PPIAL4A: variants seen among roughly 807,000 people sequenced by gnomAD.
The protein encoded by PPIAL4A is peptidylprolyl isomerase A like 4A.
In PPIAL4A, 6 loss-of-function variants were observed where a neutral mutation model predicts 7.2. The ratio of observed to expected loss-of-function variants is 0.83; its 90% CI spans 0.46 to 1.65. The LOEUF (loss-of-function observed/expected upper bound fraction) is 1.65. Among genes scored for constraint, PPIAL4A ranks in the 40% most tolerant of loss-of-function variants. The pLI is 0.01. For synonymous variants in PPIAL4A, 53 were observed against 75.1 expected (o/e 0.71, Z 1.52); for missense variants, 212 against 209.4 (o/e 1.01, Z -0.08).
Position 120,890,180 on chromosome 1 carries a change from G to A in PPIAL4A, c.360G>A (p.Glu120=). 1.0e-5 allele frequency: 16 copies of A among 1,545,708 alleles called. 1 individual carries two copies. The highest frequency in any genetic ancestry group is 1.4e-5 in the Non-Finnish European group (16 of 1,147,688). The stretch of plus-strand genomic sequence containing the variant: ...TTTTCATCTGTGCTGCCAAGACTGA[G>A]TGGTTGGATGGCAAGCATGTGGCCT... ...SQFFICAAKT[E]WLDGKHVAFG... The change falls in exon 1 of 1, where the codon GAG becomes GAA. Residue 120 remains glutamate, a synonymous_variant. Transcript: ENST00000577856.
chr1:120,890,050 C>T lies in PPIAL4A; in HGVS notation c.230C>T (p.Ser77Phe). 44 of 1,472,516 alleles carry T rather than the reference C, an allele frequency of 3.0e-5. 7 individuals are homozygous for T. Among genetic ancestry groups the T allele is most frequent in the Non-Finnish European group, 3.9e-5 (42 of 1,086,908 alleles). The allele number at this position is 1,472,516 out of a possible 1,614,324, so 91.2% of individuals were successfully genotyped here. ...FTRHNGTGDK[S>F]IYGEKFDDEN... is the part of the protein sequence containing the mutation. The stretch of plus-strand genomic sequence containing the variant: ...CGCCATAATGGCACTGGTGACAAGT[C>T]CATCTATGGGGAGAAATTTGATGAT... The change falls in exon 1 of 1, where the codon TCC becomes TTC. Residue 77 changes from serine to phenylalanine, a missense_variant. Physicochemically the swap from Ser to Phe is radical, Grantham distance 155. Transcript: ENST00000577856.
At position 120,889,966 on chromosome 1, in the gene PPIAL4A, A is replaced by G; in HGVS notation, c.146A>G (p.Lys49Arg). The change falls in exon 1 of 1, where the codon AAG (lysine) becomes AGG (arginine). Residue 49 changes from lysine to arginine, a missense_variant. By Grantham distance (26) the Lys-to-Arg change is conservative. Transcript: ENST00000577856. The stretch of plus-strand genomic sequence containing the variant: ...ACTGGAGAGAAAGGATTTCGTTATA[A>G]GGGTTCCTGCTTTCACAGAATTATT... Reference protein sequence around the residue: ...LSTGEKGFRYKGSCFHRIIPG... With the variant: ...LSTGEKGFRYRGSCFHRIIPG... 2.0e-6 allele frequency: 3 copies of G among 1,474,450 alleles called. No homozygotes were observed. The South Asian group carries it at 3.5e-5, about 17-fold the overall frequency. 91.3% of individuals were successfully genotyped at this position (1,474,450 alleles called of 1,614,324 possible).
Position 120,889,888 on chromosome 1 carries a change from A to T in PPIAL4A, c.68A>T (p.Lys23Ile). The T allele has an allele frequency of 6.8e-7, 1 of 1,469,894 alleles. No homozygotes were observed. The highest frequency in any genetic ancestry group is 9.2e-7 in the Non-Finnish European group (1 of 1,085,608). The allele number at this position is 1,469,894 out of a possible 1,614,324, so 91.1% of individuals were successfully genotyped here. The change falls in exon 1 of 1, where the codon AAA (lysine) becomes ATA (isoleucine). Residue 23 changes from lysine (K) to isoleucine (I), a missense_variant. By Grantham distance (102) the Lys-to-Ile change is moderately radical (BLOSUM62 -3). Coordinates refer to ENST00000577856, the MANE Select transcript of PPIAL4A (RefSeq NM_001143883.4). Reference sequence around the variant, plus strand: ...AAGCCCTTGGGCCGCATCTCCATCAAACTGTTTGCAGACAAGATTCTAAAG... The same window carrying T: ...AAGCCCTTGGGCCGCATCTCCATCATACTGTTTGCAGACAAGATTCTAAAG... ...DGKPLGRISI[K>I]LFADKILKTA...
Position 120,889,795 on chromosome 1 carries a change from T to C in PPIAL4A, c.-26T>C. On this transcript the variant is annotated 5_prime_UTR_variant, in exon 1 of 1. Coordinates refer to ENST00000577856, the MANE Select transcript of PPIAL4A (RefSeq NM_001143883.4). ...GTGGTTATCTTTGCAGACGCCACCATCACTGTGAGCCCTGTACTATCAGCC... is the reference window on the plus strand; with the variant it reads ...GTGGTTATCTTTGCAGACGCCACCACCACTGTGAGCCCTGTACTATCAGCC... 6.8e-7 allele frequency: 1 copy of C among 1,465,382 alleles called. No individual in the cohort carries two copies. The highest frequency in any genetic ancestry group is 9.2e-7 in the Non-Finnish European group (1 of 1,084,332). The allele number at this position is 1,465,382 out of a possible 1,614,324, so 90.8% of individuals were successfully genotyped here.
At position 120,890,274 on chromosome 1, in the gene PPIAL4A, A is replaced by T. The variant is rs1189167102; in HGVS notation, c.454A>T (p.Thr152Ser). The T allele has an allele frequency of 2.8e-6, 4 of 1,430,432 alleles. No individual in the cohort carries two copies. In the East Asian group the frequency reaches 9.1e-5, roughly 32 times the overall value. The allele number at this position is 1,430,432 out of a possible 1,614,324, so 88.6% of individuals were successfully genotyped here. A position where few individuals can be genotyped will look rare whatever the true frequency, so the allele number is the denominator to read the frequency against. The change falls in exon 1 of 1, where the codon ACC becomes TCC. Residue 152 changes from threonine to serine, a missense_variant. Transcript: ENST00000577856. ...GCACTTTGGGTACAGGAATAGCAAGACCAGCAAGAAGATCACCATTGCTGA... is the reference window on the plus strand; with the variant it reads ...GCACTTTGGGTACAGGAATAGCAAGTCCAGCAAGAAGATCACCATTGCTGA... ...MEHFGYRNSKTSKKITIADCG... is the reference protein window; with the variant it reads ...MEHFGYRNSKSSKKITIADCG...
rs1653233910 is a variant in PPIAL4A at position 120,890,383 on chromosome 1, C to T, written c.*68C>T. 2.7e-6 allele frequency: 3 copies of T among 1,091,156 alleles called. No homozygotes were observed. The highest frequency in any genetic ancestry group is 6.9e-5 in the African/African-American group (2 of 29,124). 67.6% of individuals were successfully genotyped at this position (1,091,156 alleles called of 1,614,324 possible). On this transcript the variant is annotated 3_prime_UTR_variant, in exon 1 of 1. Coordinates refer to ENST00000577856, the MANE Select transcript of PPIAL4A (RefSeq NM_001143883.4). ...TTCTGTAGCTCAGGAGAGCACCCCT[C>T]CACCACATTTGCTTGCAATATCCTA... is the stretch of plus-strand genomic sequence containing the variant.
In PPIAL4A at chr1:120,890,327, T is replaced by C; in HGVS notation, c.*12T>C. The C allele has an allele frequency of 7.1e-7, 1 of 1,408,638 alleles. No individual in the cohort carries two copies. Among genetic ancestry groups the C allele is most frequent in the Non-Finnish European group, 9.4e-7 (1 of 1,062,822 alleles). 87.3% of individuals were successfully genotyped at this position (1,408,638 alleles called of 1,614,324 possible). On this transcript the variant is annotated 3_prime_UTR_variant, in exon 1 of 1. Transcript: ENST00000577856. ...GTGGACAATTCTAATGAGTTTGACT[T>C]GTGTTTTATTTTCACCACCAGACCC...
In PPIAL4A at chr1:120,889,996, G is replaced by T. The variant is rs1168681428; in HGVS notation, c.176G>T (p.Gly59Val). 9 of 1,474,030 alleles carry T rather than the reference G, an allele frequency of 6.1e-6. 1 individual carries two copies. The highest frequency in any genetic ancestry group is 8.3e-6 in the Non-Finnish European group (9 of 1,087,076). 91.3% of individuals were successfully genotyped at this position (1,474,030 alleles called of 1,614,324 possible). ...TCCTGCTTTCACAGAATTATTCCAG[G>T]GTTTATGTGTCAGGGTGGTGACTTC... ...KGSCFHRIIP[G>V]FMCQGGDFTR... is the part of the protein sequence containing the mutation. Residue 59 changes from glycine to valine, a missense_variant, in exon 1 of 1, where the codon GGG (glycine) becomes GTG (valine). Gly to Val is a moderately radical substitution (Grantham distance 109). Coordinates refer to ENST00000577856, the MANE Select transcript of PPIAL4A (RefSeq NM_001143883.4).
Position 120,889,866 on chromosome 1 carries a change from C to T in PPIAL4A, c.46C>T (p.Pro16Ser), listed in dbSNP as rs1653220981. 4 of 1,469,278 alleles carry T rather than the reference C, an allele frequency of 2.7e-6. 1 individual carries two copies. In the South Asian group the frequency reaches 3.5e-5, roughly 13 times the overall value. The allele number at this position is 1,469,278 out of a possible 1,614,324, so 91.0% of individuals were successfully genotyped here. A position where few individuals can be genotyped will look rare whatever the true frequency, so the allele number is the denominator to read the frequency against. The change falls in exon 1 of 1, where the codon CCC becomes TCC. Residue 16 changes from proline to serine, a missense_variant. Physicochemically the swap from Pro to Ser is moderately conservative, Grantham distance 74. Transcript: ENST00000577856. The stretch of plus-strand genomic sequence containing the variant: ...TTTTGACATCACCGTCGACGGCAAG[C>T]CCTTGGGCCGCATCTCCATCAAACT... ...VFFDITVDGKPLGRISIKLFA... is the reference protein window; with the variant it reads ...VFFDITVDGKSLGRISIKLFA...
rs2101588202 is a variant in PPIAL4A at position 120,890,281 on chromosome 1, A to G, written c.461A>G (p.Lys154Arg). ...GGGTACAGGAATAGCAAGACCAGCA[A>G]GAAGATCACCATTGCTGACTGTGGA... ...HFGYRNSKTS[K>R]KITIADCGQF The change falls in exon 1 of 1, where the codon AAG (lysine) becomes AGG (arginine). Residue 154 changes from lysine (K) to arginine (R), a missense_variant. Coordinates refer to ENST00000577856, the MANE Select transcript of PPIAL4A (RefSeq NM_001143883.4). The G allele has an allele frequency of 1.4e-6, 2 of 1,430,564 alleles. 1 individual carries two copies. The highest frequency in any genetic ancestry group is 4.5e-5 in the East Asian group (2 of 43,988). The allele number at this position is 1,430,564 out of a possible 1,614,324, so 88.6% of individuals were successfully genotyped here.
chr1:120,889,967 G>A lies in PPIAL4A; in HGVS notation c.147G>A (p.Lys49=), dbSNP rs1227176065. The A allele has an allele frequency of 9.4e-5, 139 of 1,474,374 alleles. 32 individuals are homozygous for A. The highest frequency in any genetic ancestry group is 1.2e-4 in the Non-Finnish European group (132 of 1,087,408). The allele number at this position is 1,474,374 out of a possible 1,614,324, so 91.3% of individuals were successfully genotyped here. Residue 49 remains lysine, a synonymous_variant, in exon 1 of 1, where the codon AAG becomes AAA. Transcript: ENST00000577856. ...CTGGAGAGAAAGGATTTCGTTATAAGGGTTCCTGCTTTCACAGAATTATTC... is the reference window on the plus strand; with the variant it reads ...CTGGAGAGAAAGGATTTCGTTATAAAGGTTCCTGCTTTCACAGAATTATTC... ...LSTGEKGFRY[K]GSCFHRIIPG...
rs1653222569 is a variant in PPIAL4A, at chr1:120,889,935, C to G, written c.115C>G (p.Leu39Val). The G allele has an allele frequency of 4.8e-6, 7 of 1,471,374 alleles. 3 individuals carry two copies. In the African/African-American group the frequency reaches 1.4e-4, roughly 29 times the overall value. The allele number at this position is 1,471,374 out of a possible 1,614,324, so 91.1% of individuals were successfully genotyped here. ...ILKTAENFRA[L>V]STGEKGFRYK... The stretch of plus-strand genomic sequence containing the variant: ...AAAGACAGCGGAAAACTTTCGTGCT[C>G]TGAGCACTGGAGAGAAAGGATTTCG... Residue 39 changes from leucine to valine, a missense_variant, in exon 1 of 1, where the codon CTG (leucine) becomes GTG (valine). Transcript: ENST00000577856.
In PPIAL4A at chr1:120,890,357, C is replaced by A. The variant is rs1553277223; in HGVS notation, c.*42C>A. 3.1e-6 allele frequency: 4 copies of A among 1,301,556 alleles called. No homozygotes were observed. Among genetic ancestry groups the A allele is most frequent in the Non-Finnish European group, 4.1e-6 (4 of 972,602 alleles). The allele number at this position is 1,301,556 out of a possible 1,614,324, so 80.6% of individuals were successfully genotyped here. ...TTTATTTTCACCACCAGACCCATTC[C>A]TTCTGTAGCTCAGGAGAGCACCCCT... On this transcript the variant is annotated 3_prime_UTR_variant, in exon 1 of 1. Transcript: ENST00000577856.
chr1:120,889,805 C>T lies in PPIAL4A; in HGVS notation c.-16C>T. 3 of 1,466,078 alleles carry T rather than the reference C, an allele frequency of 2.0e-6. 1 individual carries two copies. The highest frequency in any genetic ancestry group is 2.8e-6 in the Non-Finnish European group (3 of 1,084,444). 90.8% of individuals were successfully genotyped at this position (1,466,078 alleles called of 1,614,324 possible). On this transcript the variant is annotated 5_prime_UTR_variant, in exon 1 of 1. Coordinates refer to ENST00000577856, the MANE Select transcript of PPIAL4A (RefSeq NM_001143883.4). ...TTGCAGACGCCACCATCACTGTGAG[C>T]CCTGTACTATCAGCCATGGTCAACT...
Position 120,890,201 on chromosome 1 carries a change from G to T in PPIAL4A, c.381G>T (p.Val127=). Residue 127 remains valine, a synonymous_variant, in exon 1 of 1, where the codon GTG becomes GTT. Transcript: ENST00000577856. ...AKTEWLDGKH[V]AFGKVKERVN... Reference sequence around the variant, plus strand: ...CTGAGTGGTTGGATGGCAAGCATGTGGCCTTTGGCAAGGTGAAAGAACGTG... The same window carrying T: ...CTGAGTGGTTGGATGGCAAGCATGTTGCCTTTGGCAAGGTGAAAGAACGTG... 2 of 1,498,262 alleles carry T rather than the reference G, an allele frequency of 1.3e-6. No homozygotes were observed. The highest frequency in any genetic ancestry group is 9.0e-7 in the Non-Finnish European group (1 of 1,111,862). 92.8% of individuals were successfully genotyped at this position (1,498,262 alleles called of 1,614,324 possible).
rs1251658217 is a variant in PPIAL4A, at chr1:120,889,787, C to T, written c.-34C>T. 1,077,597 of 1,460,514 alleles carry T rather than the reference C, an allele frequency of 0.74. 460,888 individuals are homozygous for T. Among genetic ancestry groups the T allele is most frequent in the Non-Finnish European group, 0.77 (833,382 of 1,082,154 alleles). The allele number at this position is 1,460,514 out of a possible 1,614,324, so 90.5% of individuals were successfully genotyped here. A position where few individuals can be genotyped will look rare whatever the true frequency, so the allele number is the denominator to read the frequency against. On this transcript the variant is annotated 5_prime_UTR_variant, in exon 1 of 1. The change creates a new upstream start codon in the 5' untranslated region. Coordinates refer to ENST00000577856, the MANE Select transcript of PPIAL4A (RefSeq NM_001143883.4). ...AAAGATCAGTGGTTATCTTTGCAGA[C>T]GCCACCATCACTGTGAGCCCTGTAC...
At position 120,889,961 on chromosome 1, in the gene PPIAL4A, T is replaced by G; in HGVS notation, c.141T>G (p.Arg47=). The part of the protein sequence containing the change: ...RALSTGEKGF[R]YKGSCFHRII... The stretch of plus-strand genomic sequence containing the variant: ...TGAGCACTGGAGAGAAAGGATTTCG[T>G]TATAAGGGTTCCTGCTTTCACAGAA... The change falls in exon 1 of 1, where the codon CGT becomes CGG. Residue 47 remains arginine (R), a synonymous_variant. Transcript: ENST00000577856. 2 of 1,474,078 alleles carry G rather than the reference T, an allele frequency of 1.4e-6. No homozygotes were observed. Among genetic ancestry groups the G allele is most frequent in the Non-Finnish European group, 1.8e-6 (2 of 1,087,342 alleles). The allele number at this position is 1,474,078 out of a possible 1,614,324, so 91.3% of individuals were successfully genotyped here.
Position 120,890,087 on chromosome 1 carries a change from C to G in PPIAL4A, c.267C>G (p.Ile89Met). The G allele has an allele frequency of 6.7e-7, 1 of 1,496,814 alleles. No homozygotes were observed. The highest frequency in any genetic ancestry group is 9.1e-7 in the Non-Finnish European group (1 of 1,104,496). The allele number at this position is 1,496,814 out of a possible 1,614,324, so 92.7% of individuals were successfully genotyped here. ...YGEKFDDENL[I>M]RKHTGSGILS... is the part of the protein sequence containing the mutation. ...AGAAATTTGATGATGAGAACCTCATCCGAAAGCATACAGGTTCTGGCATCT... is the reference window on the plus strand; with the variant it reads ...AGAAATTTGATGATGAGAACCTCATGCGAAAGCATACAGGTTCTGGCATCT... Residue 89 changes from isoleucine (I) to methionine (M), a missense_variant, in exon 1 of 1, where the codon ATC becomes ATG. Coordinates refer to ENST00000577856, the MANE Select transcript of PPIAL4A (RefSeq NM_001143883.4).
In PPIAL4A at chr1:120,890,024, A is replaced by G; in HGVS notation, c.204A>G (p.Thr68=). 6.8e-6 allele frequency: 10 copies of G among 1,471,656 alleles called. 2 individuals carry two copies. Among genetic ancestry groups the G allele is most frequent in the Non-Finnish European group, 9.2e-6 (10 of 1,086,218 alleles). 91.2% of individuals were successfully genotyped at this position (1,471,656 alleles called of 1,614,324 possible). The change falls in exon 1 of 1, where the codon ACA becomes ACG. Residue 68 remains threonine, a synonymous_variant. Transcript: ENST00000577856. Reference sequence around the variant, plus strand: ...TTATGTGTCAGGGTGGTGACTTCACACGCCATAATGGCACTGGTGACAAGT... The same window carrying G: ...TTATGTGTCAGGGTGGTGACTTCACGCGCCATAATGGCACTGGTGACAAGT... ...PGFMCQGGDF[T]RHNGTGDKSI...
Sources: gnomAD v4.1 joint callset for allele counts on GRCh38, gnomAD v4.1.1 for gene constraint, MANE v1.5 for transcripts, NCBI Gene and HGNC (gene_info 2026-07-23, HGNC 2026-07-21) for gene names.